PRKN: variants seen among roughly 807,000 people sequenced by gnomAD.
PRKN encodes parkin RBR E3 ubiquitin protein ligase, also known as E3 ubiquitin-protein ligase parkin.
PRKN carries 56 observed loss-of-function variants against 59.5 expected under a neutral mutation model. The ratio of observed to expected loss-of-function variants is 0.94; its 90% confidence interval spans 0.76 to 1.18. The LOEUF (loss-of-function observed/expected upper bound fraction) is 1.18. PRKN is among the 50% of genes most tolerant of loss of function. PRKN has a pLI of 0.00. For synonymous variants in PRKN, 250 were observed against 222.1 expected (o/e 1.13, Z -1.12); for missense variants, 657 against 596.4 (o/e 1.10, Z -1.06).
chr6:161,785,985 G>T, intron 6 of PRKN, 77 bp from the exon 7 acceptor site: 1 of 1,452,940 alleles, frequency 6.9e-7, no homozygotes, highest in African/African-American at 1.4e-5. Flanking sequence ...ACCAATTTCT[G>T]TAATCCTGGA....
At chr6:162,379,055 G>T (rs978926039) in intron 2 of PRKN, among the ~76,000 whole-genome samples, 3 of 152,146 alleles carry the variant, frequency 2.0e-5, no homozygotes, top group Non-Finnish European at 4.4e-5. Flanking sequence ...GATCAAAGCT[G>T]TTTATTCTCT....
At chr6:162,299,280 C>T (rs1781832059) in intron 2 of PRKN, among the ~76,000 whole-genome samples, 1 of 152,170 alleles carries the variant, frequency 6.6e-6, no homozygotes. Context: ...ATGCCAGAAA[C>T]AGGGGCAGAG....
chr6:161,949,499 A>G (rs1050968346), intron 6 of PRKN, among the ~76,000 whole-genome samples: 1 of 151,686 alleles, frequency 6.6e-6, no homozygotes. Flanking sequence ...CAACAGAGCA[A>G]GACTCTGTCT....
At chr6:162,645,794 C>A (rs1382412132) in intron 1 of PRKN, among the ~76,000 whole-genome samples, 1 of 151,728 alleles carries the variant, frequency 6.6e-6, no homozygotes, top group Non-Finnish European at 1.5e-5. Flanking sequence ...AGACTCCCAC[C>A]AAACCCCATT....
intron 6 of PRKN, among the ~76,000 whole-genome samples, chr6:161,814,043 T>C (rs972058188): frequency 3.9e-5 from 6 of 152,214 alleles, no homozygotes; most frequent in Non-Finnish European, 7.3e-5. Flanking sequence ...TTTTATCTTA[T>C]GCTCAGGGCC....
chr6:162,619,569 C>G lies in PRKN; in HGVS notation c.7+108093G>C, dbSNP rs1233748754. ...TGACTTTAACACATGCGTATTGGTGCCACTACCAGATTGCACGGGAAATGA... is the reference window on the plus strand; with the variant it reads ...TGACTTTAACACATGCGTATTGGTGGCACTACCAGATTGCACGGGAAATGA... On this transcript the variant is annotated intron_variant, in intron 1 of 11. Coordinates refer to ENST00000366898, the MANE Select transcript of PRKN (RefSeq NM_004562.3). Among the ~76,000 whole-genome samples, 4 of 152,058 alleles carry G rather than the reference C, an allele frequency of 2.6e-5. No individual in the cohort carries two copies. The East Asian group carries it at 7.7e-4, about 29-fold the overall frequency.
chr6:162,287,593 G>T lies in PRKN; in HGVS notation c.172-24828C>A, dbSNP rs532305354. Among the ~76,000 whole-genome samples the T allele has an allele frequency of 3.3e-5, 5 of 151,416 alleles. No homozygotes were observed. In the East Asian group the frequency reaches 9.7e-4, roughly 29 times the overall value. Reference sequence around the variant, plus strand: ...TTGCAAAAAAATCACTGGACATAATGAAATTATGAACATAAGAAAAGGTTG... The same window carrying T: ...TTGCAAAAAAATCACTGGACATAATTAAATTATGAACATAAGAAAAGGTTG... On this transcript the variant is annotated intron_variant, in intron 2 of 11. Transcript: ENST00000366898.
chr6:161,874,619 ATGTG>A (rs1175391208), intron 6 of PRKN, among the ~76,000 whole-genome samples: 2 of 112,434 alleles, frequency 1.8e-5, no homozygotes, highest in Non-Finnish European at 3.3e-5. Flanking sequence ...TACATATAAT[ATGTG>A]TAATATATAA....
chr6:161,979,792 G>A (rs1288204881), intron 5 of PRKN, among the ~76,000 whole-genome samples: 1 of 152,142 alleles, frequency 6.6e-6, no homozygotes, highest in Admixed American at 6.5e-5. Flanking sequence ...AGGGGGACCA[G>A]GGGAGAAGAG....
At chr6:162,659,887 G>C (rs1266681290) in intron 1 of PRKN, among the ~76,000 whole-genome samples, 1 of 152,068 alleles carries the variant, frequency 6.6e-6, no homozygotes, top group African/African-American at 2.4e-5. Context: ...CTTGGACAGA[G>C]TATATTTATC....
At chr6:162,220,059 C>T (rs1562590714) in intron 3 of PRKN, among the ~76,000 whole-genome samples, 1 of 151,974 alleles carries the variant, frequency 6.6e-6, no homozygotes, top group Non-Finnish European at 1.5e-5. Context: ...GGATAACAGG[C>T]TATAGATATA....
chr6:162,699,963 C>T (rs1036898667), intron 1 of PRKN, among the ~76,000 whole-genome samples: 12 of 152,150 alleles, frequency 7.9e-5, no homozygotes, highest in African/African-American at 2.9e-4. Flanking sequence ...ACACCTAGAA[C>T]CCTGATGAAC....
At chr6:161,751,529 G>T (rs1215992725) in intron 7 of PRKN, among the ~76,000 whole-genome samples, 2 of 152,280 alleles carry the variant, frequency 1.3e-5, no homozygotes, top group African/African-American at 2.4e-5. Flanking sequence ...GCCTTTAAAA[G>T]TGTGTGAGAA....
chr6:162,024,424 T>C (rs1348456980), intron 5 of PRKN, among the ~76,000 whole-genome samples: 1 of 152,172 alleles, frequency 6.6e-6, no homozygotes, highest in East Asian at 1.9e-4. Context: ...CTCAAACTCC[T>C]GACTTCAGGT....
chr6:161,894,767 A>C (rs958071353), intron 6 of PRKN, among the ~76,000 whole-genome samples: 4 of 152,216 alleles, frequency 2.6e-5, no homozygotes, highest in Non-Finnish European at 5.9e-5. Context: ...CACATTGTTG[A>C]TATCTGGCTT....
In PRKN at chr6:161,526,456, T is replaced by C. The variant is rs1280080605; in HGVS notation, c.1083+22398A>G. ...CACAAACTAAAATATTAAGTGATAT[T>C]TTCCTATTGTCTTCTTTTTTGTTGT... On this transcript the variant is annotated intron_variant, in intron 9 of 11. Transcript: ENST00000366898. This position sits in a 1 kb window ranked among gnomAD's most constrained non-coding sequence, Gnocchi z 4.1. 6.6e-6 allele frequency among the ~76,000 whole-genome samples: 1 copy of C among 152,162 alleles called. No homozygotes were observed. Among genetic ancestry groups the C allele is most frequent in the East Asian group, 1.9e-4 (1 of 5,204 alleles).
At chr6:162,675,149 C>A (rs556738730) in intron 1 of PRKN, among the ~76,000 whole-genome samples, 1 of 45,376 alleles carries the variant, frequency 2.2e-5, no homozygotes, top group Admixed American at 3.0e-4. Flanking sequence ...CAGGTTCAAG[C>A]GAATTCTCCT....
chr6:162,040,572 A>ATTTTTTTTTTTTT (rs35272845), intron 5 of PRKN, among the ~76,000 whole-genome samples: 1 of 113,062 alleles, frequency 8.8e-6, no homozygotes, highest in East Asian at 2.6e-4. Context: ...ATGCCCGGCT[A>ATTTTTTTTTTTTT]TTTTTTTTTT....
intron 5 of PRKN, among the ~76,000 whole-genome samples, chr6:161,984,602 C>T (rs1266444599): frequency 2.6e-5 from 4 of 152,116 alleles, no homozygotes; most frequent in Non-Finnish European, 5.9e-5. Flanking sequence ...ACTTCCAAGA[C>T]TGATTTCCAT....
Sources: gnomAD v4.1 joint callset for allele counts (sites outside exome capture counted in the v4.1 genomes callset) on GRCh38, gnomAD v4.1.1 for gene constraint, Gnocchi (gnomAD v3.1) non-coding constraint, MANE v1.5 for transcripts, NCBI Gene and HGNC (gene_info 2026-07-23, HGNC 2026-07-21) for gene names.